The following WWTR1 variants were observed in gnomAD, a reference collection of about 807,000 sequenced individuals.
The protein encoded by WWTR1 is WW domain-containing transcription regulator protein 1.
In WWTR1, 13 loss-of-function variants were observed where a neutral mutation model predicts 40.1. That is an observed-to-expected ratio of 0.32 (90% CI 0.21 to 0.52). The LOEUF (loss-of-function observed/expected upper bound fraction) is 0.52, where lower values mean the gene tolerates loss of function less well. WWTR1 is among the 20% of genes least tolerant of loss of function. The pLI, the probability that WWTR1 is intolerant of heterozygous loss-of-function variation, is 0.97. For synonymous variants in WWTR1, 230 were observed against 210.1 expected (o/e 1.09, Z -0.82); for missense variants, 436 against 523.1 (o/e 0.83, Z 1.63).
In WWTR1 at chr3:149,527,816, G is replaced by C. The variant is rs2107909066; in HGVS notation, c.905+20C>G. On this transcript the variant is annotated intron_variant, in intron 5 of 6. Transcript: ENST00000360632. ...ATAATAAAGAGAATAAAAATAAGTG[G>C]CCCCCAAATATTAACTTACCCATTG... is the stretch of plus-strand genomic sequence containing the variant. 6.2e-7 allele frequency: 1 copy of C among 1,613,376 alleles called. No individual in the cohort carries two copies. The highest frequency in any genetic ancestry group is 1.3e-5 in the African/African-American group (1 of 74,956).
At chr3:149,558,646 C>T (rs775539572) in intron 3 of WWTR1, among the ~76,000 whole-genome samples, 3 of 152,198 alleles carry the variant, frequency 2.0e-5, no homozygotes, top group East Asian at 3.9e-4. Flanking sequence ...AAGAACACAA[C>T]ATCACTTCCA....
At chr3:149,624,975 C>A (rs1053960035) in intron 2 of WWTR1, among the ~76,000 whole-genome samples, 2 of 151,982 alleles carry the variant, frequency 1.3e-5, no homozygotes, top group Non-Finnish European at 2.9e-5. Flanking sequence ...AAGTGATCCA[C>A]ACACCTCAGC....
chr3:149,586,950 C>T (rs1213831756), intron 2 of WWTR1, among the ~76,000 whole-genome samples: 1 of 152,148 alleles, frequency 6.6e-6, no homozygotes, highest in African/African-American at 2.4e-5. Flanking sequence ...GTACCTTGTC[C>T]TATGTATCTC....
At chr3:149,553,250 A>G (rs552695995) in intron 3 of WWTR1, among the ~76,000 whole-genome samples, 4 of 152,302 alleles carry the variant, frequency 2.6e-5, no homozygotes, top group African/African-American at 9.6e-5. Context: ...TGGATCACCA[A>G]TTACTGCCCA....
chr3:149,653,954 C>T (rs978024673), intron 2 of WWTR1, among the ~76,000 whole-genome samples: 1 of 152,118 alleles, frequency 6.6e-6, no homozygotes, highest in African/African-American at 2.4e-5. Context: ...AAGCTCTCAA[C>T]TCCCAACAGA....
intron 2 of WWTR1, 140 bp from the exon 3 acceptor site, chr3:149,573,140 T>A: frequency 1.1e-6 from 1 of 934,354 alleles, no homozygotes; most frequent in Non-Finnish European, 1.6e-6. Context: ...CTTGGTTTCA[T>A]CCAAGGACAT....
Position 149,542,508 on chromosome 3 carries a change from C to T in WWTR1, c.598G>A (p.Ala200Thr), listed in dbSNP as rs1168613130. 6 of 1,612,324 alleles carry T rather than the reference C, an allele frequency of 3.7e-6. No individual in the cohort carries two copies. Among genetic ancestry groups the T allele is most frequent in the African/African-American group, 1.3e-5 (1 of 74,862 alleles). The change falls in exon 4 of 7, where the codon GCC becomes ACC. Residue 200 changes from alanine (A) to threonine (T), a missense_variant. Physicochemically the swap from Ala to Thr is moderately conservative, Grantham distance 58. Coordinates refer to ENST00000360632, the MANE Select transcript of WWTR1 (RefSeq NM_015472.6). ...TTCTGCTGGCTCAGGGTACTGGGGG[C>T]CATCTGCTGCTGGTGTTGGTGATTC... ...VMNHQHQQQMAPSTLSQQNHP... is the reference protein window; with the variant it reads ...VMNHQHQQQMTPSTLSQQNHP...
At chr3:149,566,052 G>A (rs1288777602) in intron 3 of WWTR1, among the ~76,000 whole-genome samples, 1 of 150,900 alleles carries the variant, frequency 6.6e-6, no homozygotes, top group Non-Finnish European at 1.5e-5. Context: ...GAAAATTGAG[G>A]GCACAGTGGC....
chr3:149,551,081 T>C lies in WWTR1; in HGVS notation c.569-8544A>G, dbSNP rs1165176551. ...GGGAGGCTGAGGCGGGCAAATCACC[T>C]GAGGTCGGGAGTTTGAGACCAGCCT... On this transcript the variant is annotated intron_variant, in intron 3 of 6. Transcript: ENST00000360632. 2.1e-5 allele frequency among the ~76,000 whole-genome samples: 3 copies of C among 144,526 alleles called. 1 individual carries two copies. Among genetic ancestry groups the C allele is most frequent in the Non-Finnish European group, 4.5e-5 (3 of 66,092 alleles). 94.8% of individuals were successfully genotyped at this position (144,526 alleles called of 152,430 possible). A position where few individuals can be genotyped will look rare whatever the true frequency, so the allele number is the denominator to read the frequency against.
intron 2 of WWTR1, among the ~76,000 whole-genome samples, chr3:149,654,147 G>T (rs1242742845): frequency 1.3e-5 from 2 of 151,972 alleles, no homozygotes; most frequent in African/African-American, 2.4e-5. Context: ...AAATGTATCT[G>T]CTAGCCTCAG....
At chr3:149,647,127 T>C (rs1023396192) in intron 2 of WWTR1, among the ~76,000 whole-genome samples, 1 of 152,112 alleles carries the variant, frequency 6.6e-6, no homozygotes, top group Admixed American at 6.5e-5. Flanking sequence ...TCTACATTGA[T>C]ACATGCATGC....
At chr3:149,568,697 T>C (rs955239956) in intron 3 of WWTR1, among the ~76,000 whole-genome samples, 1 of 152,222 alleles carries the variant, frequency 6.6e-6, no homozygotes, top group African/African-American at 2.4e-5. Context: ...GTAATGGGTC[T>C]TTCCTCTTGC....
intron 4 of WWTR1, among the ~76,000 whole-genome samples, chr3:149,720,433 T>C (rs116447453): frequency 1.4e-3 from 206 of 152,302 alleles, no homozygotes; most frequent in African/African-American, 4.9e-3. Context: ...GACCATATAT[T>C]TGAAGATTTA....
At chr3:149,669,484 G>T (rs539863135) in intron 2 of WWTR1, among the ~76,000 whole-genome samples, 1 of 152,128 alleles carries the variant, frequency 6.6e-6, no homozygotes, top group Non-Finnish European at 1.5e-5. Flanking sequence ...CACTTCTATC[G>T]TTTAAAGAAG....
intron 2 of WWTR1, 50 bp downstream of exon 2, chr3:149,656,826 C>G: frequency 6.8e-7 from 1 of 1,475,168 alleles, no homozygotes; most frequent in Non-Finnish European, 9.0e-7. Flanking sequence ...AACACACGCG[C>G]GCGTTGGGCA....
chr3:149,641,357 C>G (rs1046211604), intron 2 of WWTR1, among the ~76,000 whole-genome samples: 1 of 152,124 alleles, frequency 6.6e-6, no homozygotes, highest in African/African-American at 2.4e-5. Context: ...AAGGGCCTTT[C>G]GAGAACTCTT....
chr3:149,580,296 CTT>C (rs1738081942), intron 2 of WWTR1, among the ~76,000 whole-genome samples: 1 of 152,206 alleles, frequency 6.6e-6, no homozygotes, highest in South Asian at 2.1e-4. Flanking sequence ...AGAGATGAGT[CTT>C]AACCACAAGA....
intron 1 of WWTR1, among the ~76,000 whole-genome samples, chr3:149,675,218 A>G (rs1454957545): frequency 6.6e-6 from 1 of 152,250 alleles, no homozygotes; most frequent in East Asian, 1.9e-4. Flanking sequence ...TAAGCCAATC[A>G]TGACAACCCT....
At chr3:149,566,495 C>T (rs1472757508) in intron 3 of WWTR1, among the ~76,000 whole-genome samples, 1 of 152,102 alleles carries the variant, frequency 6.6e-6, no homozygotes, top group Non-Finnish European at 1.5e-5. Context: ...GCAGTGAGAA[C>T]ATCAGAGCTG....
Sources: allele counts gnomAD v4.1 joint callset (sites outside exome capture counted in the v4.1 genomes callset), GRCh38; gene constraint gnomAD v4.1.1; transcripts MANE v1.5; gene names NCBI Gene and HGNC (gene_info 2026-07-23, HGNC 2026-07-21).